LYPLAL1: variants seen among roughly 807,000 people sequenced by gnomAD.
LYPLAL1 encodes the protein lysophospholipase-like protein 1.
A neutral mutation model predicts 19.7 loss-of-function variants in LYPLAL1; 23 were observed. That is an observed-to-expected ratio of 1.17 (90% CI 0.84 to 1.65). The LOEUF (loss-of-function observed/expected upper bound fraction) is 1.65, where lower values mean the gene tolerates loss of function less well. Among genes scored for constraint, LYPLAL1 ranks in the 40% most tolerant of loss-of-function variants. The pLI is 0.00. For synonymous variants in LYPLAL1, 119 were observed against 96.3 expected (o/e 1.24, Z -1.38); for missense variants, 355 against 279.4 (o/e 1.27, Z -1.93).
the LYPLAL1 span, among the ~76,000 whole-genome samples, chr1:219,346,997 G>A: frequency 6.6e-6 from 1 of 152,244 alleles, no homozygotes; most frequent in Admixed American, 6.5e-5. Context: ...TAGGTAACAT[G>A]TGTTTTTAAA....
the LYPLAL1 span, among the ~76,000 whole-genome samples, chr1:219,235,491 T>G: frequency 3.9e-5 from 6 of 152,214 alleles, no homozygotes; most frequent in African/African-American, 1.4e-4. Flanking sequence ...TTGACATCAA[T>G]GCACTTTTAA....
chr1:219,347,973 AAAAAT>A, the LYPLAL1 span, among the ~76,000 whole-genome samples: 1 of 152,194 alleles, frequency 6.6e-6, no homozygotes, highest in Non-Finnish European at 1.5e-5. Context: ...GAAAAGAAAA[AAAAAT>A]AAAATAAGAA....
chr1:219,211,913 T>A lies in LYPLAL1; in HGVS notation c.*185T>A, dbSNP rs1033326683. 7.1e-6 allele frequency: 3 copies of A among 420,600 alleles called. No individual in the cohort carries two copies. Among genetic ancestry groups the A allele is most frequent in the African/African-American group, 6.1e-5 (3 of 48,782 alleles). 26.1% of individuals were successfully genotyped at this position (420,600 alleles called of 1,614,324 possible). On this transcript the variant is annotated 3_prime_UTR_variant, in exon 5 of 5. Transcript: ENST00000366928. Reference sequence around the variant, plus strand: ...ATGAAAAACAATAGACAAACATCTGTGCATAATTTTTCAGACACAATTCTG... The same window carrying A: ...ATGAAAAACAATAGACAAACATCTGAGCATAATTTTTCAGACACAATTCTG...
At chr1:219,343,070 G>A in the LYPLAL1 span, among the ~76,000 whole-genome samples, 3 of 152,188 alleles carry the variant, frequency 2.0e-5, no homozygotes, top group South Asian at 2.1e-4. Flanking sequence ...GCCCAAGTCC[G>A]ACAACTTAAC....
At chr1:219,208,802 CAGAG>C (rs1363684162) in intron 3 of LYPLAL1, among the ~76,000 whole-genome samples, 1 of 152,002 alleles carries the variant, frequency 6.6e-6, no homozygotes, top group Non-Finnish European at 1.5e-5. Context: ...ACTTCATAAG[CAGAG>C]AGAAATCTGT....
the LYPLAL1 span, among the ~76,000 whole-genome samples, chr1:219,281,735 A>G: frequency 2.0e-5 from 3 of 152,158 alleles, no homozygotes; most frequent in East Asian, 3.8e-4. Flanking sequence ...CAGGATGCCA[A>G]TTGTCAAACT....
At chr1:219,308,127 T>C in the LYPLAL1 span, among the ~76,000 whole-genome samples, 1 of 152,194 alleles carries the variant, frequency 6.6e-6, no homozygotes, top group Non-Finnish European at 1.5e-5. Context: ...ATTCTTGTTA[T>C]GTTTAATGAA....
At chr1:219,399,519 C>A in the LYPLAL1 span, among the ~76,000 whole-genome samples, 6 of 152,108 alleles carry the variant, frequency 3.9e-5, no homozygotes, top group Admixed American at 6.5e-5. Flanking sequence ...CAAAATCTAC[C>A]CATGCGCTGG....
the LYPLAL1 span, among the ~76,000 whole-genome samples, chr1:219,417,128 T>C: frequency 0.45 from 67,717 of 152,054 alleles, 15,988 homozygotes; most frequent in East Asian, 0.61. Context: ...AAGAAGTTAC[T>C]GTGCACAGCC....
chr1:219,407,616 A>G, the LYPLAL1 span, among the ~76,000 whole-genome samples: 1 of 152,230 alleles, frequency 6.6e-6, no homozygotes, highest in African/African-American at 2.4e-5. Context: ...GTTCATTAAA[A>G]AGCATAATAG....
At chr1:219,230,838 C>T in the LYPLAL1 span, among the ~76,000 whole-genome samples, 1 of 152,102 alleles carries the variant, frequency 6.6e-6, no homozygotes, top group Non-Finnish European at 1.5e-5. Context: ...TTTTACTAGC[C>T]ACCGTTCTAG....
the LYPLAL1 span, among the ~76,000 whole-genome samples, chr1:219,304,642 T>G: frequency 6.6e-6 from 1 of 152,242 alleles, no homozygotes; most frequent in East Asian, 1.9e-4. Context: ...AAATATAAAG[T>G]CGTGTATAAT....
the LYPLAL1 span, among the ~76,000 whole-genome samples, chr1:219,328,643 T>C: frequency 6.6e-6 from 1 of 152,154 alleles, no homozygotes; most frequent in African/African-American, 2.4e-5. Flanking sequence ...CACCCTTACC[T>C]TGGGGCACAA....
At chr1:219,424,284 G>C in the LYPLAL1 span, among the ~76,000 whole-genome samples, 3 of 152,044 alleles carry the variant, frequency 2.0e-5, no homozygotes, top group African/African-American at 4.8e-5. Flanking sequence ...CATCATTCTA[G>C]GAGAAAGTCA....
chr1:219,360,243 C>T, the LYPLAL1 span, among the ~76,000 whole-genome samples: 1 of 152,156 alleles, frequency 6.6e-6, no homozygotes, highest in Non-Finnish European at 1.5e-5. Context: ...GTTCGGTATG[C>T]TTTTAGCATG....
chr1:219,279,053 GA>G, the LYPLAL1 span, among the ~76,000 whole-genome samples: 1 of 152,120 alleles, frequency 6.6e-6, no homozygotes, highest in Non-Finnish European at 1.5e-5. Context: ...TTCCTTCCAG[GA>G]ATCCAGCATC....
chr1:219,239,380 G>C, the LYPLAL1 span, among the ~76,000 whole-genome samples: 11 of 152,196 alleles, frequency 7.2e-5, no homozygotes, highest in African/African-American at 2.7e-4. Flanking sequence ...TATGTTTGCT[G>C]AATTAATAAG....
the LYPLAL1 span, among the ~76,000 whole-genome samples, chr1:219,387,312 A>G: frequency 6.6e-6 from 1 of 152,220 alleles, no homozygotes; most frequent in Non-Finnish European, 1.5e-5. Flanking sequence ...AAAATTTTAT[A>G]TGTACATGTC....
chr1:219,321,454 C>T, the LYPLAL1 span, among the ~76,000 whole-genome samples: 1 of 152,150 alleles, frequency 6.6e-6, no homozygotes, highest in Admixed American at 6.5e-5. Context: ...AATTAGATCT[C>T]ATTTGTCAGT....
Sources: allele counts gnomAD v4.1 joint callset (sites outside exome capture counted in the v4.1 genomes callset), GRCh38; gene constraint gnomAD v4.1.1; transcripts MANE v1.5; gene names NCBI Gene and HGNC (gene_info 2026-07-23, HGNC 2026-07-21).